The following ADTRP variants were observed in gnomAD, a reference collection of about 807,000 sequenced individuals.
The protein encoded by ADTRP is androgen dependent TFPI regulating protein.
ADTRP carries 20 observed loss-of-function variants against 27.0 expected under a neutral mutation model. The observed-to-expected ratio is 0.74, with a 90% CI of 0.52 to 1.08. The LOEUF is 1.08. ADTRP is among the 50% of genes least tolerant of loss of function. The probability of loss-of-function intolerance (pLI) is 0.00; values close to 1 mark genes in which losing one functional copy is unlikely to be tolerated. For missense variants in ADTRP, 251 were observed against 275.0 expected (o/e 0.91, Z 0.62); for synonymous variants, 101 against 105.2 (o/e 0.96, Z 0.25).
rs2113339194 is a variant in ADTRP at position 11,768,348 on chromosome 6, C to T, written c.189G>A (p.Leu63=). 1 of 1,614,222 alleles carries T rather than the reference C, an allele frequency of 6.2e-7. No homozygotes were observed. The highest frequency in any genetic ancestry group is 1.1e-5 in the South Asian group (1 of 91,082). ...CTTTGGTTCTTTTCAGCACATCATC[C>T]AGGCAGGTGACCCCGTAGAAAATGG... The part of the protein sequence containing the change: ...LQTIFYGVTC[L]DDVLKRTKGG... Residue 63 remains leucine, a synonymous_variant, in exon 2 of 6, where the codon CTG becomes CTA. Transcript: ENST00000414691.
chr6:11,715,806 CT>C (rs55961408), intron 5 of ADTRP, among the ~76,000 whole-genome samples: 5 of 77,730 alleles, frequency 6.4e-5, no homozygotes, highest in African/African-American at 6.3e-5. Flanking sequence ...CCATGCCCAG[CT>C]TTTTTTTTTT....
At chr6:11,768,409 C>A (rs1205694652) in intron 1 of ADTRP, 26 bp from the exon 2 acceptor site, 1 of 1,612,476 alleles carries the variant, frequency 6.2e-7, no homozygotes, top group African/African-American at 1.3e-5. Flanking sequence ...CAAATGAGGG[C>A]ATTTTCATTT....
At chr6:11,759,587 G>A (rs1399689180) in intron 3 of ADTRP, among the ~76,000 whole-genome samples, 4 of 152,032 alleles carry the variant, frequency 2.6e-5, no homozygotes, top group African/African-American at 7.2e-5. Flanking sequence ...TTCAAAACTG[G>A]GGTGAAAAGG....
chr6:11,717,841 C>T (rs1397656261), intron 5 of ADTRP, among the ~76,000 whole-genome samples: 2 of 152,188 alleles, frequency 1.3e-5, no homozygotes, highest in African/African-American at 4.8e-5. Context: ...GAAGTTAGGA[C>T]AAGAAAGGCA....
intron 4 of ADTRP, 48 bp from the exon 5 acceptor site, chr6:11,723,548 A>C: frequency 6.2e-7 from 1 of 1,602,948 alleles, no homozygotes; most frequent in Non-Finnish European, 8.5e-7. Flanking sequence ...GGAGAAAAAC[A>C]AGCCATTTTC....
intron 1 of ADTRP, among the ~76,000 whole-genome samples, chr6:11,776,847 AGGAG>A (rs1763970109): frequency 1.3e-5 from 2 of 152,200 alleles, no homozygotes; most frequent in African/African-American, 4.8e-5. Context: ...TCCATGAGGC[AGGAG>A]GGAGCCACTG....
At position 11,766,318 on chromosome 6, in the gene ADTRP, T is replaced by C. The variant is rs1763570807; in HGVS notation, c.346A>G (p.Lys116Glu). The change falls in exon 3 of 6, where the codon AAG becomes GAG. Residue 116 changes from lysine to glutamate, a missense_variant. Coordinates refer to ENST00000414691, the MANE Select transcript of ADTRP (RefSeq NM_032744.4). ...FLYNRDLIYP[K>E]VLDTVIPVWL... ...ACGGGGATGACAGTATCTAGGACCT[T>C]GGGGTAAATGAGATCTCGATTGTAG... 3.1e-6 allele frequency: 5 copies of C among 1,612,844 alleles called. No homozygotes were observed. Among genetic ancestry groups the C allele is most frequent in the South Asian group, 1.1e-5 (1 of 90,836 alleles).
intron 3 of ADTRP, among the ~76,000 whole-genome samples, chr6:11,751,019 T>G (rs1307772817): frequency 6.6e-6 from 1 of 152,144 alleles, no homozygotes; most frequent in Admixed American, 6.5e-5. Flanking sequence ...ACCTGGCTAA[T>G]TTTTGTATTT....
intron 5 of ADTRP, among the ~76,000 whole-genome samples, chr6:11,718,394 T>G (rs1168660616): frequency 6.6e-6 from 1 of 152,230 alleles, no homozygotes; most frequent in African/African-American, 2.4e-5. Flanking sequence ...TTTCTCTTCC[T>G]GAGGAGCTTG....
chr6:11,722,030 T>G lies in ADTRP; in HGVS notation c.658+1319A>C, dbSNP rs143072586. Among the ~76,000 whole-genome samples the G allele has an allele frequency of 1.2e-3, 183 of 151,856 alleles. 2 individuals are homozygous for G. The highest frequency in any genetic ancestry group is 4.1e-3 in the African/African-American group (170 of 41,442). On this transcript the variant is annotated intron_variant, in intron 5 of 5. Coordinates refer to ENST00000414691, the MANE Select transcript of ADTRP (RefSeq NM_032744.4). ...ATCTTAAAGCTTCTTTAAATATATA[T>G]AGAGAGAGAGAGATTTGGGGAGGCA...
intron 3 of ADTRP, among the ~76,000 whole-genome samples, chr6:11,738,081 C>A (rs144658353): frequency 6.6e-6 from 1 of 152,120 alleles, no homozygotes; most frequent in Non-Finnish European, 1.5e-5. Flanking sequence ...GACGTGAGTG[C>A]GTGTAATATG....
At chr6:11,773,238 G>A (rs866273678) in intron 1 of ADTRP, among the ~76,000 whole-genome samples, 3 of 152,148 alleles carry the variant, frequency 2.0e-5, no homozygotes, top group Non-Finnish European at 4.4e-5. Flanking sequence ...GGAGAAGGGG[G>A]AGGAGGAAGA....
rs188241765 is a variant in ADTRP, at chr6:11,773,942, C to T, written c.153+4665G>A. On this transcript the variant is annotated intron_variant, in intron 1 of 5. Transcript: ENST00000414691. ...TATCACATAGTTCTCTCAGTCCTTA[C>T]CCTTTCAGCTATTGAAGTGCATCTT... Among the ~76,000 whole-genome samples, 408 of 152,284 alleles carry T rather than the reference C, an allele frequency of 2.7e-3. 1 individual carries two copies. The highest frequency in any genetic ancestry group is 9.3e-3 in the African/African-American group (386 of 41,528).
Position 11,723,377 on chromosome 6 carries a change from A to G in ADTRP, c.630T>C (p.Leu210=), listed in dbSNP as rs1396750811. Residue 210 remains leucine, a synonymous_variant, in exon 5 of 6, where the codon CTT becomes CTC. Transcript: ENST00000414691. ...SYVFIASIYL[L]GEKLNHWKWG... ...ATTTCCAGTGGTTGAGCTTCTCTCCAAGTAGGTAGATGCTGGCGATGAAGA... is the reference window on the plus strand; with the variant it reads ...ATTTCCAGTGGTTGAGCTTCTCTCCGAGTAGGTAGATGCTGGCGATGAAGA... The G allele has an allele frequency of 6.2e-7, 1 of 1,614,022 alleles. No homozygotes were observed. The highest frequency in any genetic ancestry group is 8.5e-7 in the Non-Finnish European group (1 of 1,180,028).
At chr6:11,731,456 A>G (rs1762376896) in intron 4 of ADTRP, among the ~76,000 whole-genome samples, 1 of 152,184 alleles carries the variant, frequency 6.6e-6, no homozygotes, top group Non-Finnish European at 1.5e-5. Flanking sequence ...CCCATTTTCT[A>G]TACTATGTCC....
chr6:11,718,828 G>A (rs972717856), intron 5 of ADTRP, among the ~76,000 whole-genome samples: 5 of 152,242 alleles, frequency 3.3e-5, no homozygotes, highest in Admixed American at 6.5e-5. Context: ...CCTCTTGTGA[G>A]CTTTTTGAGC....
intron 3 of ADTRP, among the ~76,000 whole-genome samples, chr6:11,745,071 G>C (rs1417174314): frequency 5.3e-5 from 8 of 152,146 alleles, no homozygotes; most frequent in African/African-American, 1.9e-4. Context: ...TGACCTATGA[G>C]GGTTTTCTAA....
intron 1 of ADTRP, among the ~76,000 whole-genome samples, chr6:11,770,315 A>G (rs1482841135): frequency 6.6e-6 from 1 of 152,306 alleles, no homozygotes; most frequent in Non-Finnish European, 1.5e-5. Flanking sequence ...AATCACGGGC[A>G]GCTGAGGCTG....
At chr6:11,755,109 T>C in intron 3 of ADTRP, 1 of 983,872 alleles carries the variant, frequency 1.0e-6, no homozygotes, top group Non-Finnish European at 1.2e-6. Flanking sequence ...ATGTGAGCAC[T>C]GGTTGATTCA....
Sources: allele counts gnomAD v4.1 joint callset (sites outside exome capture counted in the v4.1 genomes callset), GRCh38; gene constraint gnomAD v4.1.1; transcripts MANE v1.5; gene names NCBI Gene and HGNC (gene_info 2026-07-23, HGNC 2026-07-21).